Variants in NUMA1 observed in about 807,000 individuals in gnomAD.
NUMA1 encodes SP-H antigen.
In NUMA1, 62 loss-of-function variants were observed where a neutral mutation model predicts 237.1. The observed-to-expected ratio is 0.26, with a 90% CI of 0.21 to 0.32. The LOEUF (loss-of-function observed/expected upper bound fraction) is 0.32, where lower values mean the gene tolerates loss of function less well. Among genes scored for constraint, NUMA1 ranks in the 10% least tolerant of loss-of-function variants. NUMA1 has a pLI of 1.00. For synonymous variants in NUMA1, 1,028 were observed against 1,066.1 expected, an observed-to-expected ratio of 0.96 and a Z score of 0.70; for missense variants, 2,533 against 2,666.5, an observed-to-expected ratio of 0.95 and a Z score of 1.10.
At chr11:72,073,069 G>T (rs1165941511) in intron 1 of NUMA1, among the ~76,000 whole-genome samples, 1 of 29,378 alleles carries the variant, frequency 3.4e-5, no homozygotes, top group Non-Finnish European at 9.1e-5. Flanking sequence ...AAAAAAAAAA[G>T]CTGCCTAGGC....
Position 72,015,592 on chromosome 11 carries a change from T to C in NUMA1, c.1911A>G (p.Ser637=), listed in dbSNP as rs1455023137. Reference sequence around the variant, plus strand: ...CCTTCTCCCGCTGGGCCTGTGTCACTGAGGTCTGGGCACTGTCCCGGGCTT... The same window carrying C: ...CCTTCTCCCGCTGGGCCTGTGTCACCGAGGTCTGGGCACTGTCCCGGGCTT... ...ANEARDSAQT[S]VTQAQREKAE... is the part of the protein sequence containing the mutation. The change falls in exon 15 of 27, where the codon TCA becomes TCG. Residue 637 remains serine, a synonymous_variant. Coordinates refer to ENST00000393695, the MANE Select transcript of NUMA1 (RefSeq NM_006185.4). The surrounding 1 kb of genome is among the most constrained non-coding windows in gnomAD (Gnocchi z 4.0). 4 of 1,613,736 alleles carry C rather than the reference T, an allele frequency of 2.5e-6. No individual in the cohort carries two copies. Among genetic ancestry groups the C allele is most frequent in the Non-Finnish European group, 1.7e-6 (2 of 1,180,026 alleles).
Position 72,014,615 on chromosome 11 carries a change from G to T in NUMA1, c.2888C>A (p.Thr963Lys). The T allele has an allele frequency of 6.2e-7, 1 of 1,608,670 alleles. No homozygotes were observed. The change falls in exon 15 of 27, where the codon ACA becomes AAA. Residue 963 changes from threonine to lysine, a missense_variant. Around this residue, in one of 3 missense-constraint regions of NUMA1, gnomAD observed 1,414 missense variants for 1,508.1 expected, o/e 0.94. Transcript: ENST00000393695. This position sits in a 1 kb window ranked among gnomAD's most constrained non-coding sequence, Gnocchi z 4.6. ...EEQQGRQFCS[T>K]QAALQAMERE... is the part of the protein sequence containing the mutation. The stretch of plus-strand genomic sequence containing the variant: ...CTCCATAGCCTGCAGCGCTGCCTGT[G>T]TGCTGCAGAACTGGCGTCCCTGTTG...
At position 72,035,948 on chromosome 11, in the gene NUMA1, G is replaced by GTGA; in HGVS notation, c.-8_-6dup. 6.2e-7 allele frequency: 1 copy of GTGA among 1,613,976 alleles called. No homozygotes were observed. The highest frequency in any genetic ancestry group is 2.2e-5 in the East Asian group (1 of 44,886). On this transcript the variant is annotated 5_prime_UTR_variant, in exon 3 of 27. Coordinates refer to ENST00000393695, the MANE Select transcript of NUMA1 (RefSeq NM_006185.4). Reference sequence around the variant, plus strand: ...CCGGGTGGCGTGGAGTGTCATCTTGGTGATGCCAGACAGTCACTCCAATGC... The same window carrying GTGA: ...CCGGGTGGCGTGGAGTGTCATCTTGGTGATGATGCCAGACAGTCACTCCAATGC...
intron 2 of NUMA1, chr11:72,067,207 G>A (rs1276298730): frequency 6.6e-6 from 1 of 152,192 alleles, no homozygotes; most frequent in Non-Finnish European, 1.5e-5. Flanking sequence ...GTAGCCTGTA[G>A]GATCTAAGTA....
chr11:72,005,049 C>A (rs1955593041), intron 23 of NUMA1, among the ~76,000 whole-genome samples, 184 bp downstream of exon 23: 1 of 152,132 alleles, frequency 6.6e-6, no homozygotes, highest in Non-Finnish European at 1.5e-5. Context: ...TCCTGCCTAC[C>A]CCAAGGGACT....
chr11:72,035,235 T>C (rs1336317595), intron 3 of NUMA1, among the ~76,000 whole-genome samples: 2 of 152,132 alleles, frequency 1.3e-5, no homozygotes, highest in African/African-American at 2.4e-5. Flanking sequence ...ATGAATGATC[T>C]AGCAAAAGAA....
At chr11:72,039,444 T>G (rs1941417147) in intron 2 of NUMA1, among the ~76,000 whole-genome samples, 1 of 152,122 alleles carries the variant, frequency 6.6e-6, no homozygotes, top group African/African-American at 2.4e-5. Flanking sequence ...CAGACCTACC[T>G]CAAGATAACA....
chr11:72,023,960 C>A, intron 5 of NUMA1: 1 of 309,440 alleles, frequency 3.2e-6, no homozygotes, highest in South Asian at 4.3e-5. Flanking sequence ...TCTTCTGTCT[C>A]CTTGAAGTTC....
intron 1 of NUMA1, among the ~76,000 whole-genome samples, chr11:72,072,639 A>T (rs537241034): frequency 6.6e-6 from 1 of 152,118 alleles, no homozygotes; most frequent in Admixed American, 6.5e-5. Flanking sequence ...ATGGCCCCTT[A>T]TTACCGCGAC....
At chr11:72,045,008 A>G (rs565635428) in intron 2 of NUMA1, among the ~76,000 whole-genome samples, 4 of 152,204 alleles carry the variant, frequency 2.6e-5, no homozygotes, top group Non-Finnish European at 5.9e-5. Context: ...GTGATAAGAA[A>G]AATGTAACTA....
At chr11:72,067,849 C>T (rs1280128540) in intron 2 of NUMA1, 1 of 152,214 alleles carries the variant, frequency 6.6e-6, no homozygotes. Flanking sequence ...GGCTGTCTAA[C>T]ACCTCATTTA....
Position 72,016,413 on chromosome 11 carries a change from A to G in NUMA1, c.1237T>C (p.Leu413=), listed in dbSNP as rs1440494438. ...QEKGEVLGDV[L]QLETLKQEAA... Reference sequence around the variant, plus strand: ...GTCTTTCTGTGCATTCCTACCTGCAAGACATCACCCAGCACCTCGCCCTTC... The same window carrying G: ...GTCTTTCTGTGCATTCCTACCTGCAGGACATCACCCAGCACCTCGCCCTTC... Residue 413 remains leucine (L), a synonymous_variant, in exon 14 of 27, where the codon TTG becomes CTG. Coordinates refer to ENST00000393695, the MANE Select transcript of NUMA1 (RefSeq NM_006185.4). 1 of 1,613,926 alleles carries G rather than the reference A, an allele frequency of 6.2e-7. No individual in the cohort carries two copies. Among genetic ancestry groups the G allele is most frequent in the Admixed American group, 1.7e-5 (1 of 60,022 alleles).
intron 3 of NUMA1, among the ~76,000 whole-genome samples, chr11:72,033,484 C>T (rs930136639): frequency 6.6e-6 from 1 of 151,928 alleles, no homozygotes; most frequent in Admixed American, 6.6e-5. Context: ...GTGATCCTCC[C>T]ACCTCAGCCT....
intron 2 of NUMA1, among the ~76,000 whole-genome samples, chr11:72,056,046 G>A (rs1463467636): frequency 6.6e-6 from 1 of 151,880 alleles, no homozygotes; most frequent in Non-Finnish European, 1.5e-5. Flanking sequence ...CTACTCAGAA[G>A]GCTGAGGCAC....
intron 2 of NUMA1, among the ~76,000 whole-genome samples, chr11:72,060,209 T>A (rs972040834): frequency 6.6e-6 from 1 of 152,148 alleles, no homozygotes; most frequent in Non-Finnish European, 1.5e-5. Context: ...GTAAATCAGG[T>A]TTTACTAAAA....
chr11:72,029,359 C>A, intron 3 of NUMA1, 69 bp from the exon 4 acceptor site: 1 of 965,594 alleles, frequency 1.0e-6, no homozygotes, highest in Non-Finnish European at 1.6e-6. Context: ...TTCCCAGAGG[C>A]TTAATGTGAG....
At chr11:72,006,585 AC>A (rs1403757102) in intron 21 of NUMA1, among the ~76,000 whole-genome samples, 1 of 152,194 alleles carries the variant, frequency 6.6e-6, no homozygotes, top group Admixed American at 6.5e-5. Flanking sequence ...CCCAAATCAC[AC>A]TGCTAGGAAG....
Position 72,013,344 on chromosome 11 carries a change from G to C in NUMA1, c.4159C>G (p.Gln1387Glu), listed in dbSNP as rs1956275655. The C allele has an allele frequency of 1.9e-6, 3 of 1,607,822 alleles. No homozygotes were observed. Among genetic ancestry groups the C allele is most frequent in the Admixed American group, 1.7e-5 (1 of 59,964 alleles). ...AGTCCCCCAGCGGCCTGCTTGCTCT[G>C]CTCCAGCTCCTCACGGTGGCGTTTC... Reference protein sequence around the residue: ...AEKRHREELEQSKQAAGGLRA... With the variant: ...AEKRHREELEESKQAAGGLRA... The change falls in exon 15 of 27, where the codon CAG becomes GAG. Residue 1387 changes from glutamine (Q) to glutamate (E), a missense_variant. Around this residue, in one of 3 missense-constraint regions of NUMA1, gnomAD observed 324 missense variants for 407.6 expected, o/e 0.79. Transcript: ENST00000393695. This position sits in a 1 kb window ranked among gnomAD's most constrained non-coding sequence, Gnocchi z 6.8.
chr11:72,076,073 C>T (rs1489662401), intron 1 of NUMA1, among the ~76,000 whole-genome samples: 1 of 152,180 alleles, frequency 6.6e-6, no homozygotes, highest in African/African-American at 2.4e-5. Flanking sequence ...AGGGAAAAAC[C>T]GTCTAGGAAT....
Sources: gnomAD v4.1 joint callset for allele counts (sites outside exome capture counted in the v4.1 genomes callset) on GRCh38, gnomAD v4.1.1 for gene constraint, gnomAD v4.1.1 regional missense constraint, Gnocchi (gnomAD v3.1) non-coding constraint, MANE v1.5 for transcripts, NCBI Gene and HGNC (gene_info 2026-07-23, HGNC 2026-07-21) for gene names.